The following TRHDE variants were observed in gnomAD, a reference collection of about 807,000 sequenced individuals.
The protein encoded by TRHDE is thyrotropin releasing hormone degrading enzyme, also known as thyrotropin-releasing hormone-degrading ectoenzyme.
In TRHDE, 72 loss-of-function variants were observed where a neutral mutation model predicts 125.7. That is an observed-to-expected ratio of 0.57 (90% confidence interval 0.47 to 0.70). The LOEUF (loss-of-function observed/expected upper bound fraction) is 0.70, where lower values mean the gene tolerates loss of function less well. Among genes scored for constraint, TRHDE ranks in the 30% least tolerant of loss-of-function variants. The pLI, the probability that TRHDE is intolerant of heterozygous loss-of-function variation, is 0.00. For synonymous variants in TRHDE, 509 were observed against 509.1 expected (o/e 1.00, Z 0.00); for missense variants, 1,110 against 1,327.1 (o/e 0.84, Z 2.54).
chr12:72,372,478 G>A (rs1871651476), intron 2 of TRHDE, among the ~76,000 whole-genome samples: 2 of 152,156 alleles, frequency 1.3e-5, no homozygotes, highest in African/African-American at 2.4e-5. Context: ...CCTATGTCCT[G>A]AATGGTAATG....
chr12:72,276,523 G>A (rs1009732978), intron 1 of TRHDE, among the ~76,000 whole-genome samples: 64 of 152,136 alleles, frequency 4.2e-4, no homozygotes, highest in African/African-American at 1.5e-3. Flanking sequence ...TTTTGGTGAC[G>A]GCAGGGAAAT....
chr12:72,241,812 C>CA (rs1322605586), intron 2 of TRHDE, among the ~76,000 whole-genome samples: 1 of 152,158 alleles, frequency 6.6e-6, no homozygotes, highest in Admixed American at 6.5e-5. Context: ...CTTATGGTAT[C>CA]ATCATCAGTC....
intron 3 of TRHDE, among the ~76,000 whole-genome samples, chr12:72,382,542 T>C (rs976382229): frequency 5.3e-5 from 8 of 152,158 alleles, no homozygotes; most frequent in Non-Finnish European, 1.0e-4. Context: ...TCCCAAATCA[T>C]GTCCAGGGAG....
In TRHDE at chr12:72,664,708, C is replaced by G. The variant is rs1465433643; in HGVS notation, c.*1513C>G. 1.3e-5 allele frequency: 2 copies of G among 152,106 alleles called. No individual in the cohort carries two copies. The highest frequency in any genetic ancestry group is 2.9e-5 in the Non-Finnish European group (2 of 67,998). 9.4% of individuals were successfully genotyped at this position (152,106 alleles called of 1,614,324 possible). ...CGTCTTATTTTCCTGAGGTTTTTCA[C>G]TCCACCAAATCTTACAAATCATTGA... On this transcript the variant is annotated 3_prime_UTR_variant, in exon 19 of 19. Transcript: ENST00000261180.
intron 2 of TRHDE, among the ~76,000 whole-genome samples, chr12:72,234,708 T>A (rs1592493951): frequency 6.6e-6 from 1 of 152,152 alleles, no homozygotes; most frequent in Admixed American, 6.5e-5. Flanking sequence ...TAGTGTTATT[T>A]TTGTTGGTTT....
intron 2 of TRHDE, among the ~76,000 whole-genome samples, chr12:72,136,693 A>G (rs1025807702): frequency 6.6e-6 from 1 of 152,218 alleles, no homozygotes; most frequent in African/African-American, 2.4e-5. Flanking sequence ...CGGAGAGGGA[A>G]TATCCAATTG....
rs751115396 is a variant in TRHDE at position 72,378,076 on chromosome 12, T to C, written c.1270T>C (p.Phe424Leu). 1 of 1,605,390 alleles carries C rather than the reference T, an allele frequency of 6.2e-7. No homozygotes were observed. Among genetic ancestry groups the C allele is most frequent in the East Asian group, 2.2e-5 (1 of 44,652 alleles). ...CCATATAACAAAGAGATTAATAGAA[T>C]TTTATGAAGACTACTTTAAAGTGCC... is the stretch of plus-strand genomic sequence containing the variant. ...ALHITKRLIE[F>L]YEDYFKVPYS... is the part of the protein sequence containing the mutation. Residue 424 changes from phenylalanine to leucine, a missense_variant, in exon 3 of 19, where the codon TTT (phenylalanine) becomes CTT (leucine). Physicochemically the swap from Phe to Leu is conservative, Grantham distance 22. This residue lies in a region of TRHDE where 252 missense variants were observed against 274.8 expected (regional missense o/e 0.92). Coordinates refer to ENST00000261180, the MANE Select transcript of TRHDE (RefSeq NM_013381.3).
intron 2 of TRHDE, among the ~76,000 whole-genome samples, chr12:72,112,311 G>C (rs1314909491): frequency 6.6e-6 from 1 of 152,148 alleles, no homozygotes; most frequent in African/African-American, 2.4e-5. Flanking sequence ...GTATTTCTTA[G>C]AGGTCTCACT....
At chr12:72,599,690 CTT>C (rs1565805581) in intron 12 of TRHDE, among the ~76,000 whole-genome samples, 1 of 152,160 alleles carries the variant, frequency 6.6e-6, no homozygotes, top group Admixed American at 6.5e-5. Flanking sequence ...TTGATAATCT[CTT>C]TTGCTGTGCA....
intron 2 of TRHDE, among the ~76,000 whole-genome samples, chr12:72,202,577 GCTATCTCCA>G (rs1471735915): frequency 1.3e-5 from 2 of 151,988 alleles, no homozygotes; most frequent in African/African-American, 4.8e-5. Context: ...TTTCTGGCTC[GCTATCTCCA>G]CTTGGAACAT....
At chr12:72,652,257 T>C in intron 15 of TRHDE, 65 bp from the exon 16 acceptor site, 1 of 1,232,568 alleles carries the variant, frequency 8.1e-7, no homozygotes, top group Non-Finnish European at 1.1e-6. Flanking sequence ...AAGCAAAACC[T>C]GTCTTTATTT....
chr12:72,283,405 T>C (rs974438350), intron 1 of TRHDE, among the ~76,000 whole-genome samples: 11 of 152,178 alleles, frequency 7.2e-5, no homozygotes, highest in Admixed American at 7.2e-4. Flanking sequence ...ATTTTCTAAA[T>C]ACTGAATTGA....
At chr12:72,472,882 A>T (rs1006122304) in intron 4 of TRHDE, among the ~76,000 whole-genome samples, 185 bp from the exon 5 acceptor site, 1 of 152,230 alleles carries the variant, frequency 6.6e-6, no homozygotes, top group Non-Finnish European at 1.5e-5. Context: ...GTATAAAAAA[A>T]CTAGTGTCAC....
chr12:72,608,907 C>A (rs1872543811), intron 12 of TRHDE, among the ~76,000 whole-genome samples: 1 of 152,070 alleles, frequency 6.6e-6, no homozygotes, highest in South Asian at 2.1e-4. Flanking sequence ...CCCTTATTTG[C>A]AATATGAACC....
chr12:72,587,860 G>T (rs1247129625), intron 12 of TRHDE, among the ~76,000 whole-genome samples: 3 of 151,980 alleles, frequency 2.0e-5, no homozygotes, highest in African/African-American at 7.2e-5. Flanking sequence ...TAATTTGTTG[G>T]TCTGTTTTTT....
At chr12:72,238,665 T>C (rs1398163386) in intron 2 of TRHDE, among the ~76,000 whole-genome samples, 12 of 152,054 alleles carry the variant, frequency 7.9e-5, no homozygotes, top group Non-Finnish European at 1.5e-5. Flanking sequence ...GTTTTTGTGA[T>C]AGTTTGCTAA....
At chr12:72,153,178 T>G (rs993205612) in intron 2 of TRHDE, among the ~76,000 whole-genome samples, 2 of 152,198 alleles carry the variant, frequency 1.3e-5, no homozygotes, top group African/African-American at 4.8e-5. Context: ...TCTAGTTTAT[T>G]TACATAGAGG....
intron 3 of TRHDE, among the ~76,000 whole-genome samples, chr12:72,458,610 T>C (rs1875983514): frequency 6.6e-6 from 1 of 152,150 alleles, no homozygotes; most frequent in Non-Finnish European, 1.5e-5. Context: ...ATTCAGCCTC[T>C]TAGTAGATAT....
intron 2 of TRHDE, among the ~76,000 whole-genome samples, chr12:72,364,486 A>G (rs1871261305): frequency 2.6e-5 from 4 of 151,990 alleles, no homozygotes; most frequent in African/African-American, 9.7e-5. Flanking sequence ...TAAGCTTTCC[A>G]TAGTAGGGAT....
Sources: allele counts gnomAD v4.1 joint callset (sites outside exome capture counted in the v4.1 genomes callset), GRCh38; gene constraint gnomAD v4.1.1; regional missense constraint gnomAD v4.1.1; transcripts MANE v1.5; gene names NCBI Gene and HGNC (gene_info 2026-07-23, HGNC 2026-07-21).